Variants in SFXN5 observed in about 807,000 individuals in gnomAD.
SFXN5 encodes the protein sideroflexin 5, also known as sideroflexin-5.
SFXN5 carries 43 observed loss-of-function variants against 50.2 expected under a neutral mutation model. The ratio of observed to expected loss-of-function variants is 0.86; its 90% confidence interval spans 0.67 to 1.11. The LOEUF (loss-of-function observed/expected upper bound fraction) is 1.11, where lower values mean the gene tolerates loss of function less well. Ranked by LOEUF, SFXN5 falls within the 50% of genes least tolerant of loss-of-function variation. The probability of loss-of-function intolerance (pLI) is 0.00; values close to 1 mark genes in which losing one functional copy is unlikely to be tolerated. For missense variants in SFXN5, 463 were observed against 454.1 expected, an observed-to-expected ratio of 1.02 and a Z score of -0.18; for synonymous variants, 203 against 185.8, an observed-to-expected ratio of 1.09 and a Z score of -0.75.
rs1424330859 is a variant in SFXN5, at chr2:72,961,492, CAATT to C, written c.828-248_828-245del. Reference sequence around the variant, plus strand: ...TGAAGGACGTTGCTGGCTGAAACCTCAATTACTCAGGTCACGAATGAGTACTTTC... The same window carrying C: ...TGAAGGACGTTGCTGGCTGAAACCTCACTCAGGTCACGAATGAGTACTTTC... On this transcript the variant is annotated intron_variant, in intron 12 of 13. Transcript: ENST00000272433. This position sits in a 1 kb window ranked among gnomAD's most constrained non-coding sequence, Gnocchi z 4.4. Among the ~76,000 whole-genome samples the C allele has an allele frequency of 1.3e-5, 2 of 152,230 alleles. No homozygotes were observed. The highest frequency in any genetic ancestry group is 2.9e-5 in the Non-Finnish European group (2 of 68,036).
At position 72,950,150 on chromosome 2, in the gene SFXN5, C is replaced by T. The variant is rs77569974; in HGVS notation, c.946-5051G>A. Among the ~76,000 whole-genome samples, 318 of 152,162 alleles carry T rather than the reference C, an allele frequency of 2.1e-3. 2 individuals carry two copies. The highest frequency in any genetic ancestry group is 7.3e-3 in the African/African-American group (303 of 41,496). On this transcript the variant is annotated intron_variant, in intron 13 of 13. Coordinates refer to ENST00000272433, the MANE Select transcript of SFXN5 (RefSeq NM_144579.3). The surrounding 1 kb of genome is among the most constrained non-coding windows in gnomAD (Gnocchi z 4.2). ...GGTGCCAAGGCCTGGGGAACAGGCA[C>T]ATTTGAAGGGCAAGCGGAGGGAACA...
In SFXN5 at chr2:72,953,249, G is replaced by A. The variant is rs550413860; in HGVS notation, c.945+7882C>T. ...TGTGGGCAAACTCCAAGAAAGCAGCGGGCGGGGAGGCAGCAGATTTCTGAC... is the reference window on the plus strand; with the variant it reads ...TGTGGGCAAACTCCAAGAAAGCAGCAGGCGGGGAGGCAGCAGATTTCTGAC... On this transcript the variant is annotated intron_variant, in intron 13 of 13. Transcript: ENST00000272433. The surrounding 1 kb of genome is among the most constrained non-coding windows in gnomAD (Gnocchi z 4.1). Among the ~76,000 whole-genome samples the A allele has an allele frequency of 2.4e-4, 36 of 152,150 alleles. No individual in the cohort carries two copies. The highest frequency in any genetic ancestry group is 4.7e-4 in the Non-Finnish European group (32 of 68,032).
Position 72,961,176 on chromosome 2 carries a change from GC to G in SFXN5, c.899del (p.Gly300AlafsTer22). On this transcript the variant is annotated frameshift_variant, in exon 13 of 14. Coordinates refer to ENST00000272433, the MANE Select transcript of SFXN5 (RefSeq NM_144579.3). LOFTEE classifies it high-confidence loss of function. This position sits in a 1 kb window ranked among gnomAD's most constrained non-coding sequence, Gnocchi z 4.4. ...GGCTGATGGCCAGCGGCAGGGCCAGGCCGAAGGCTGCCAGGCACACGAGGCT... is the reference window on the plus strand; with the variant it reads ...GGCTGATGGCCAGCGGCAGGGCCAGGCGAAGGCTGCCAGGCACACGAGGCT... ...VQSLVCLAAFGLALPLAISLF... is the reference protein window; with the variant it reads ...VQSLVCLAAFXLALPLAISLF... 1 of 1,575,794 alleles carries G rather than the reference GC, an allele frequency of 6.3e-7. No individual in the cohort carries two copies. Among genetic ancestry groups the G allele is most frequent in the Non-Finnish European group, 8.6e-7 (1 of 1,163,860 alleles).
chr2:73,003,132 C>T lies in SFXN5; in HGVS notation c.358-1554G>A, dbSNP rs747677054. Among the ~76,000 whole-genome samples, 5 of 83,802 alleles carry T rather than the reference C, an allele frequency of 6.0e-5. No homozygotes were observed. The South Asian group carries it at 1.2e-3, about 21-fold the overall frequency. 55.0% of individuals were successfully genotyped at this position (83,802 alleles called of 152,430 possible). ...ACCAGAGGGAGGGAGCTGAGCCTAG[C>T]GGGGGTGGGGATGGGACAGGGGGGT... is the stretch of plus-strand genomic sequence containing the variant. On this transcript the variant is annotated intron_variant, in intron 6 of 13. Transcript: ENST00000272433.
chr2:73,069,164 G>A (rs1223446959), intron 1 of SFXN5, among the ~76,000 whole-genome samples: 1 of 152,140 alleles, frequency 6.6e-6, no homozygotes, highest in East Asian at 1.9e-4. Context: ...AAATCTACAA[G>A]GGCGTAGGGA....
chr2:73,060,825 G>A (rs1207835774), intron 1 of SFXN5, among the ~76,000 whole-genome samples: 4 of 151,186 alleles, frequency 2.6e-5, no homozygotes, highest in African/African-American at 9.7e-5. Context: ...TCAGCCTCCC[G>A]AGTAGCTGTG....
rs369173005 is a variant in SFXN5, at chr2:73,056,681, G to A, written c.171+1847C>T. On this transcript the variant is annotated intron_variant, in intron 2 of 13. Coordinates refer to ENST00000272433, the MANE Select transcript of SFXN5 (RefSeq NM_144579.3). ...ATCTGGGCAACAAGAGCAAAACTCC[G>A]TCTCAAAAAAAAAAAAAAACACAAA... Among the ~76,000 whole-genome samples the A allele has an allele frequency of 2.7e-4, 39 of 143,780 alleles. No homozygotes were observed. In the East Asian group the frequency reaches 3.2e-3, roughly 12 times the overall value. The allele number at this position is 143,780 out of a possible 152,430, so 94.3% of individuals were successfully genotyped here.
intron 10 of SFXN5, among the ~76,000 whole-genome samples, chr2:72,980,378 G>A (rs1559115156): frequency 1.3e-5 from 2 of 152,038 alleles, no homozygotes; most frequent in Admixed American, 6.6e-5. Context: ...TCTCACACTC[G>A]AATCACAGCA....
rs746311228 is a variant in SFXN5 at position 73,071,661 on chromosome 2, G to A, written c.45C>T (p.Ala15=). 1.6e-5 allele frequency: 26 copies of A among 1,612,938 alleles called. No individual in the cohort carries two copies. In the African/African-American group the frequency reaches 2.8e-4, roughly 17 times the overall value. The part of the protein sequence containing the change: ...ATTASAAAAS[A]ASASSDAPPF... ...GAGGTGCATCGCTCGAGGCGCTAGC[G>A]GCACTAGCCGCCGCCGCCGATGCTG... is the stretch of plus-strand genomic sequence containing the variant. Residue 15 remains alanine (A), a synonymous_variant, in exon 1 of 14, where the codon GCC becomes GCT. Transcript: ENST00000272433.
chr2:72,945,128 G>T lies in SFXN5; in HGVS notation c.946-29C>A, dbSNP rs762785651. ...TGGAGAGAGAACAGAGAGGAAAAGTGGGGGAGTGGGAAGGGGCAAATAGTG... is the reference window on the plus strand; with the variant it reads ...TGGAGAGAGAACAGAGAGGAAAAGTTGGGGAGTGGGAAGGGGCAAATAGTG... On this transcript the variant is annotated intron_variant, in intron 13 of 13. Coordinates refer to ENST00000272433, the MANE Select transcript of SFXN5 (RefSeq NM_144579.3). The surrounding 1 kb of genome is among the most constrained non-coding windows in gnomAD (Gnocchi z 5.8). 6.2e-7 allele frequency: 1 copy of T among 1,604,012 alleles called. No individual in the cohort carries two copies. The highest frequency in any genetic ancestry group is 8.5e-7 in the Non-Finnish European group (1 of 1,172,188).
chr2:72,986,442 C>T (rs1302722713), intron 10 of SFXN5, among the ~76,000 whole-genome samples: 3 of 152,256 alleles, frequency 2.0e-5, no homozygotes, highest in East Asian at 3.9e-4. Flanking sequence ...GATGGAGAAG[C>T]AGGGCCCTGT....
intron 9 of SFXN5, among the ~76,000 whole-genome samples, chr2:72,990,586 T>C (rs914808122): frequency 6.6e-6 from 1 of 152,148 alleles, no homozygotes; most frequent in Admixed American, 6.5e-5. Context: ...TCACATGAAA[T>C]ATCTTAATGA....
chr2:73,006,539 T>G (rs982540713), intron 6 of SFXN5, among the ~76,000 whole-genome samples: 2 of 151,976 alleles, frequency 1.3e-5, no homozygotes, highest in African/African-American at 4.8e-5. Context: ...CACGAACTGC[T>G]TAAACCCAGG....
At chr2:73,003,007 C>T (rs1279299084) in intron 6 of SFXN5, among the ~76,000 whole-genome samples, 4 of 152,218 alleles carry the variant, frequency 2.6e-5, no homozygotes. Flanking sequence ...GGTGTCAAGT[C>T]AACAGAGACG....
chr2:72,973,929 C>T lies in SFXN5; in HGVS notation c.626-2244G>A, dbSNP rs183324216. Reference sequence around the variant, plus strand: ...GGCATCAATCCTAGCCCTCTGATGACGCTGTCCACCATACCACCACCACCG... The same window carrying T: ...GGCATCAATCCTAGCCCTCTGATGATGCTGTCCACCATACCACCACCACCG... On this transcript the variant is annotated intron_variant, in intron 10 of 13. Transcript: ENST00000272433. This position sits in a 1 kb window ranked among gnomAD's most constrained non-coding sequence, Gnocchi z 5.5. Among the ~76,000 whole-genome samples the T allele has an allele frequency of 1.0e-3, 159 of 152,290 alleles. 1 individual carries two copies. Among genetic ancestry groups the T allele is most frequent in the African/African-American group, 3.6e-3 (148 of 41,568 alleles).
intron 1 of SFXN5, among the ~76,000 whole-genome samples, chr2:73,069,517 G>C (rs995139224): frequency 6.6e-6 from 1 of 152,194 alleles, no homozygotes; most frequent in Non-Finnish European, 1.5e-5. Flanking sequence ...GGAGGAAAGA[G>C]AAGATCCTTA....
intron 10 of SFXN5, among the ~76,000 whole-genome samples, chr2:72,975,890 C>G (rs1670565865): frequency 6.6e-6 from 1 of 152,182 alleles, no homozygotes; most frequent in South Asian, 2.1e-4. Context: ...GATAGCTACC[C>G]TAAAGAAATG....
At chr2:73,037,940 G>A (rs747477785) in intron 3 of SFXN5, among the ~76,000 whole-genome samples, 1 of 152,214 alleles carries the variant, frequency 6.6e-6, no homozygotes, top group Non-Finnish European at 1.5e-5. Flanking sequence ...CTCGGAGGTA[G>A]GCCCCAGAAA....
intron 3 of SFXN5, among the ~76,000 whole-genome samples, chr2:73,025,533 T>C (rs1313131918): frequency 1.3e-5 from 2 of 152,292 alleles, no homozygotes; most frequent in Non-Finnish European, 2.9e-5. Flanking sequence ...GTCATCTCCT[T>C]TTCTTCCCAA....
Sources: allele counts gnomAD v4.1 joint callset (sites outside exome capture counted in the v4.1 genomes callset), GRCh38; gene constraint gnomAD v4.1.1; non-coding constraint Gnocchi (gnomAD v3.1); transcripts MANE v1.5; gene names NCBI Gene and HGNC (gene_info 2026-07-23, HGNC 2026-07-21).